The following SULF2 variants were observed in gnomAD, a reference collection of about 807,000 sequenced individuals.
The protein encoded by SULF2 is sulfatase 2.
Under a neutral mutation model 107.7 loss-of-function variants are expected in SULF2, and 52 were observed. The ratio of observed to expected loss-of-function variants is 0.48; its 90% CI spans 0.39 to 0.61. The LOEUF (loss-of-function observed/expected upper bound fraction) is 0.61. SULF2 is among the 20% of genes least tolerant of loss of function. The probability of loss-of-function intolerance (pLI) is 0.00; values close to 1 mark genes in which losing one functional copy is unlikely to be tolerated. For missense variants in SULF2, 993 were observed against 1,177.3 expected, an observed-to-expected ratio of 0.84 and a Z score of 2.29; for synonymous variants, 460 against 464.3, an observed-to-expected ratio of 0.99 and a Z score of 0.12.
chr20:47,736,719 G>C lies in SULF2; in HGVS notation c.399C>G (p.Ser133Arg). 6.2e-7 allele frequency: 1 copy of C among 1,614,212 alleles called. No homozygotes were observed. The highest frequency in any genetic ancestry group is 8.5e-7 in the Non-Finnish European group (1 of 1,180,028). The change falls in exon 3 of 21, where the codon AGC becomes AGG. Residue 133 changes from serine to arginine, a missense_variant. Transcript: ENST00000688720. Reference protein sequence around the residue: ...ESRTFAVYLNSTGYRTAFFGK... With the variant: ...ESRTFAVYLNRTGYRTAFFGK... ...CCTGCTCACCTGTCCGGTAGCCAGT[G>C]CTATTGAGGTACACGGCAAAGGTGC...
intron 3 of SULF2, among the ~76,000 whole-genome samples, chr20:47,705,879 AC>A (rs1222595351): frequency 6.6e-6 from 1 of 151,228 alleles, no homozygotes; most frequent in Admixed American, 6.6e-5. Flanking sequence ...CCTCACAGCA[AC>A]CTTTGCCTCC....
In SULF2 at chr20:47,661,798, G is replaced by T; in HGVS notation, c.2469C>A (p.Asn823Lys). 2 of 1,571,744 alleles carry T rather than the reference G, an allele frequency of 1.3e-6. No individual in the cohort carries two copies. The highest frequency in any genetic ancestry group is 8.7e-7 in the Non-Finnish European group (1 of 1,150,574). ...CCAGGTCCATGTTTCGAGTCCGGGG[G>T]TTACACTGCTTGTAACCCTTGCAGC... ...LRSCKGYKQC[N>K]PRTRNMDLGL... Residue 823 changes from asparagine (N) to lysine (K), a missense_variant, in exon 18 of 21, where the codon AAC becomes AAA. Asn to Lys is a moderately conservative substitution (Grantham distance 94). Coordinates refer to ENST00000688720, the MANE Select transcript of SULF2 (RefSeq NM_001387048.1).
In SULF2 at chr20:47,694,755, C is replaced by T. The variant is rs781736285; in HGVS notation, c.568-4460G>A. Reference sequence around the variant, plus strand: ...TTTCCCTCGAGTGGGCACTCCGCACCGGGCTTCCCTCCAAGGCCAAGGCAG... The same window carrying T: ...TTTCCCTCGAGTGGGCACTCCGCACTGGGCTTCCCTCCAAGGCCAAGGCAG... On this transcript the variant is annotated intron_variant, in intron 4 of 20. Transcript: ENST00000688720. This position sits in a 1 kb window ranked among gnomAD's most constrained non-coding sequence, Gnocchi z 4.4. 1.6e-4 allele frequency among the ~76,000 whole-genome samples: 24 copies of T among 152,296 alleles called. No individual in the cohort carries two copies. Among genetic ancestry groups the T allele is most frequent in the South Asian group, 4.2e-4 (2 of 4,816 alleles).
intron 1 of SULF2, among the ~76,000 whole-genome samples, chr20:47,760,520 C>G (rs956548965): frequency 2.6e-5 from 4 of 152,142 alleles, no homozygotes; most frequent in Non-Finnish European, 5.9e-5. Context: ...ACCGGTTCCT[C>G]GGTGCAGCAT....
rs2090087207 is a variant in SULF2, at chr20:47,748,203, C to T, written c.175+8986G>A. ...CCGCCCTCTTCCCCATCCTCCTCCC[C>T]TTCATTCCCATGTCCTGCTGCCCTC... On this transcript the variant is annotated intron_variant, in intron 2 of 20. Transcript: ENST00000688720. Among the ~76,000 whole-genome samples the T allele has an allele frequency of 2.0e-5, 3 of 152,368 alleles. No individual in the cohort carries two copies. The South Asian group carries it at 6.2e-4, about 32-fold the overall frequency.
chr20:47,672,983 GA>G (rs912136346), intron 10 of SULF2, among the ~76,000 whole-genome samples: 12 of 152,252 alleles, frequency 7.9e-5, no homozygotes, highest in African/African-American at 2.9e-4. Context: ...GGTCTCCCCT[GA>G]CCACCTTCCC....
intron 3 of SULF2, among the ~76,000 whole-genome samples, chr20:47,730,715 T>A (rs775472175): frequency 6.6e-6 from 1 of 152,232 alleles, no homozygotes; most frequent in African/African-American, 2.4e-5. Flanking sequence ...CCCAGAGTGC[T>A]GGGATTACAG....
intron 17 of SULF2, among the ~76,000 whole-genome samples, chr20:47,662,852 C>CGCAGGTTGATGGAGGCAAAAA (rs2087123372): frequency 6.7e-6 from 1 of 148,308 alleles, no homozygotes; most frequent in Non-Finnish European, 1.5e-5. Flanking sequence ...ATATTACACA[C>CGCAGGTTGATGGAGGCAAAAA]GCAGGGTGAT....
rs2087262442 is a variant in SULF2 at position 47,666,188 on chromosome 20, A to G, written c.1805+72T>C. 6.3e-7 allele frequency: 1 copy of G among 1,589,014 alleles called. No homozygotes were observed. Among genetic ancestry groups the G allele is most frequent in the African/African-American group, 1.5e-5 (1 of 65,860 alleles). On this transcript the variant is annotated intron_variant, in intron 12 of 20. Transcript: ENST00000688720. This position sits in a 1 kb window ranked among gnomAD's most constrained non-coding sequence, Gnocchi z 5.4. The stretch of plus-strand genomic sequence containing the variant: ...TTGTCATCTTGGTCCTCAGGGGCCC[A>G]AGAGGTGTGGGAAGCCCTTTGCCGA...
At chr20:47,785,502 C>A, upstream of SULF2, 1 of 155,272 alleles carries the variant, frequency 6.4e-6, no homozygotes. Flanking sequence ...GCGAGCGCTG[C>A]TGCTCCTCCT....
chr20:47,661,932 G>A, intron 17 of SULF2, 36 bp from the exon 18 acceptor site: 1 of 1,488,100 alleles, frequency 6.7e-7, no homozygotes, highest in Non-Finnish European at 9.1e-7. Context: ...AACAAGGTAA[G>A]TACAGGGACT....
At position 47,663,109 on chromosome 20, in the gene SULF2, G is replaced by C; in HGVS notation, c.2331C>G (p.Gly777=). ...HNFLFCEFAT[G]FLEYFDLNTD... ...TGTTGAGATCAAAGTACTCTAGGAAGCCAGTTGCAAATTCACAGAAGAGGA... is the reference window on the plus strand; with the variant it reads ...TGTTGAGATCAAAGTACTCTAGGAACCCAGTTGCAAATTCACAGAAGAGGA... The change falls in exon 17 of 21, where the codon GGC becomes GGG. Residue 777 remains glycine (G), a synonymous_variant. Transcript: ENST00000688720. 6.2e-7 allele frequency: 1 copy of C among 1,614,138 alleles called. No homozygotes were observed. The highest frequency in any genetic ancestry group is 8.5e-7 in the Non-Finnish European group (1 of 1,180,030).
At chr20:47,693,461 T>C (rs576906522) in intron 4 of SULF2, among the ~76,000 whole-genome samples, 1 of 152,336 alleles carries the variant, frequency 6.6e-6, no homozygotes, top group Admixed American at 6.5e-5. Flanking sequence ...TTAAACTTTT[T>C]TAAAAATAAA....
chr20:47,742,813 G>A (rs2146821535), intron 2 of SULF2, among the ~76,000 whole-genome samples: 1 of 152,136 alleles, frequency 6.6e-6, no homozygotes, highest in African/African-American at 2.4e-5. Flanking sequence ...TGACGACGTT[G>A]CCAGTGTCAT....
At chr20:47,697,005 G>A (rs759313227) in intron 4 of SULF2, among the ~76,000 whole-genome samples, 6 of 152,156 alleles carry the variant, frequency 3.9e-5, no homozygotes, top group Non-Finnish European at 5.9e-5. Flanking sequence ...AAGTGTACAC[G>A]CTGCGGCAAG....
In SULF2 at chr20:47,687,610, C is replaced by T. The variant is rs115648593; in HGVS notation, c.737+2516G>A. ...GGCTGGTGGGCTGTGTCTGTGGGCA[C>T]GCCTGTGTGTATCTTTGTATCTCTG... On this transcript the variant is annotated intron_variant, in intron 5 of 20. Transcript: ENST00000688720. Among the ~76,000 whole-genome samples the T allele has an allele frequency of 1.1e-3, 164 of 152,140 alleles. 1 individual carries two copies. Among genetic ancestry groups the T allele is most frequent in the African/African-American group, 3.7e-3 (153 of 41,498 alleles).
intron 1 of SULF2, among the ~76,000 whole-genome samples, chr20:47,765,687 T>G (rs1204302672): frequency 6.6e-6 from 1 of 152,220 alleles, no homozygotes; most frequent in African/African-American, 2.4e-5. Flanking sequence ...CCTGCCCGAT[T>G]ACAACAGTAA....
intron 11 of SULF2, among the ~76,000 whole-genome samples, chr20:47,669,514 C>A (rs573954547): frequency 6.6e-6 from 1 of 152,254 alleles, no homozygotes; most frequent in Non-Finnish European, 1.5e-5. Flanking sequence ...TGCCAAGTGT[C>A]CCCTGGGGGA....
rs530825807 is a variant in SULF2, at chr20:47,680,523, C to T, written c.1065-1719G>A. Among the ~76,000 whole-genome samples, 144 of 152,340 alleles carry T rather than the reference C, an allele frequency of 9.5e-4. No homozygotes were observed. The highest frequency in any genetic ancestry group is 3.1e-4 in the Non-Finnish European group (21 of 68,022). ...CGTCAGAGCATCTGAGTGCCTTCCCCGCTAGTTCCCTGGGGACCAGGGCAG... is the reference window on the plus strand; with the variant it reads ...CGTCAGAGCATCTGAGTGCCTTCCCTGCTAGTTCCCTGGGGACCAGGGCAG... On this transcript the variant is annotated intron_variant, in intron 7 of 20. Transcript: ENST00000688720. The surrounding 1 kb of genome is among the most constrained non-coding windows in gnomAD (Gnocchi z 4.2).
Sources: gnomAD v4.1 joint callset for allele counts (sites outside exome capture counted in the v4.1 genomes callset) on GRCh38, gnomAD v4.1.1 for gene constraint, Gnocchi (gnomAD v3.1) non-coding constraint, MANE v1.5 for transcripts, NCBI Gene and HGNC (gene_info 2026-07-23, HGNC 2026-07-21) for gene names.